The following SLC2A13 variants were observed in gnomAD, a reference collection of about 807,000 sequenced individuals.
The protein encoded by SLC2A13 is solute carrier family 2 member 13.
A neutral mutation model predicts 64.4 loss-of-function variants in SLC2A13; 32 were observed. The ratio of observed to expected loss-of-function variants is 0.50; its 90% CI spans 0.37 to 0.67. The LOEUF (loss-of-function observed/expected upper bound fraction) is 0.67. SLC2A13 is among the 30% of genes least tolerant of loss of function. The pLI is 0.00. For missense variants in SLC2A13, 743 were observed against 829.2 expected (o/e 0.90, Z 1.28); for synonymous variants, 338 against 327.1 (o/e 1.03, Z -0.36).
intron 3 of SLC2A13, among the ~76,000 whole-genome samples, chr12:40,017,418 T>A (rs1481020411): frequency 6.6e-6 from 1 of 152,206 alleles, no homozygotes; most frequent in African/African-American, 2.4e-5. Flanking sequence ...CTGTATAAAA[T>A]CCCAGAATTT....
At chr12:40,059,542 T>C (rs1948384496) in intron 1 of SLC2A13, among the ~76,000 whole-genome samples, 1 of 152,180 alleles carries the variant, frequency 6.6e-6, no homozygotes, top group Admixed American at 6.6e-5. Flanking sequence ...TTTACTGGTT[T>C]GTTCTAAAGG....
chr12:39,767,269 A>G (rs1420054836), intron 7 of SLC2A13, among the ~76,000 whole-genome samples: 1 of 150,828 alleles, frequency 6.6e-6, no homozygotes, highest in Non-Finnish European at 1.5e-5. Context: ...GACCAGTGTC[A>G]TTGTCAATCA....
At chr12:39,852,074 G>T (rs1179193202) in intron 6 of SLC2A13, among the ~76,000 whole-genome samples, 1 of 152,208 alleles carries the variant, frequency 6.6e-6, no homozygotes, top group Non-Finnish European at 1.5e-5. Context: ...ACACAGGTGT[G>T]TGTGAGGCTG....
In SLC2A13 at chr12:39,786,122, G is replaced by A. The variant is rs188742905; in HGVS notation, c.1446-21264C>T. On this transcript the variant is annotated intron_variant, in intron 7 of 9. Transcript: ENST00000280871. ...AGGACATGAGATTTGGAGGGGCCAG[G>A]GGCGGAATGATGTGCTTTGGCTTTG... Among the ~76,000 whole-genome samples, 247 of 152,224 alleles carry A rather than the reference G, an allele frequency of 1.6e-3. 2 individuals are homozygous for A. In the East Asian group the frequency reaches 0.025, roughly 15 times the overall value.
chr12:39,859,316 G>GT (rs34195780), intron 6 of SLC2A13, among the ~76,000 whole-genome samples: 58,364 of 94,178 alleles, frequency 0.62, 18,126 homozygotes, highest in East Asian at 0.74. Flanking sequence ...AAAGCTGGCA[G>GT]TTTTTTTTTT....
At chr12:39,986,338 C>T (rs925244164) in intron 3 of SLC2A13, among the ~76,000 whole-genome samples, 3 of 151,978 alleles carry the variant, frequency 2.0e-5, no homozygotes, top group Non-Finnish European at 4.4e-5. Context: ...GATACTGATC[C>T]ATGCCTGTTT....
chr12:39,977,283 G>T (rs1946779168), intron 3 of SLC2A13, among the ~76,000 whole-genome samples: 1 of 152,216 alleles, frequency 6.6e-6, no homozygotes, highest in Admixed American at 6.5e-5. Flanking sequence ...TGAGTGGTAA[G>T]GTCAATGTTT....
At chr12:39,878,958 C>T (rs961592006) in intron 4 of SLC2A13, among the ~76,000 whole-genome samples, 5 of 152,236 alleles carry the variant, frequency 3.3e-5, no homozygotes, top group Non-Finnish European at 7.3e-5. Context: ...GCCTACTGCC[C>T]TGTGCAGCCT....
At chr12:39,767,080 C>T (rs528862294) in intron 7 of SLC2A13, among the ~76,000 whole-genome samples, 1 of 152,166 alleles carries the variant, frequency 6.6e-6, no homozygotes, top group South Asian at 2.1e-4. Context: ...CTTTACTTGG[C>T]CCAGATCCAT....
intron 5 of SLC2A13, among the ~76,000 whole-genome samples, chr12:39,870,919 T>G (rs1243781941): frequency 6.6e-6 from 1 of 152,204 alleles, no homozygotes; most frequent in Non-Finnish European, 1.5e-5. Context: ...AACAGTTCTA[T>G]TAGATCAATG....
chr12:39,913,067 G>A (rs371608634), intron 4 of SLC2A13, among the ~76,000 whole-genome samples: 1 of 152,044 alleles, frequency 6.6e-6, no homozygotes, highest in Admixed American at 6.6e-5. Flanking sequence ...AGAAAGCCAA[G>A]AGATAAGGTA....
chr12:39,926,963 A>G (rs1400485047), intron 4 of SLC2A13, among the ~76,000 whole-genome samples: 2 of 152,170 alleles, frequency 1.3e-5, no homozygotes, highest in Admixed American at 1.3e-4. Flanking sequence ...ATTTATAGAG[A>G]AAAATATCCT....
At chr12:39,962,371 G>A (rs992588554) in intron 3 of SLC2A13, among the ~76,000 whole-genome samples, 12 of 152,212 alleles carry the variant, frequency 7.9e-5, no homozygotes, top group South Asian at 2.1e-4. Flanking sequence ...GATTACAGGC[G>A]TGAGCCACCA....
intron 6 of SLC2A13, among the ~76,000 whole-genome samples, chr12:39,858,999 C>G (rs528307706): frequency 1.3e-5 from 2 of 152,138 alleles, no homozygotes; most frequent in South Asian, 4.1e-4. Context: ...TTAAATAACA[C>G]AAGGCTGGCA....
chr12:40,082,129 C>T (rs1467149513), intron 1 of SLC2A13, among the ~76,000 whole-genome samples: 1 of 152,220 alleles, frequency 6.6e-6, no homozygotes, highest in African/African-American at 2.4e-5. Context: ...TTCGGCAAGG[C>T]AGCAGGGGTC....
intron 4 of SLC2A13, among the ~76,000 whole-genome samples, chr12:39,889,408 C>T (rs1044035136): frequency 1.2e-4 from 18 of 151,870 alleles, no homozygotes; most frequent in Non-Finnish European, 1.8e-4. Context: ...GCCTTATACT[C>T]TAACAAATTA....
At chr12:39,773,286 AT>A (rs1940651720) in intron 7 of SLC2A13, among the ~76,000 whole-genome samples, 1 of 152,194 alleles carries the variant, frequency 6.6e-6, no homozygotes, top group Non-Finnish European at 1.5e-5. Flanking sequence ...CAGGTGAAAT[AT>A]GTCTCATTTT....
At chr12:39,993,272 T>C (rs1357599443) in intron 3 of SLC2A13, among the ~76,000 whole-genome samples, 1 of 152,240 alleles carries the variant, frequency 6.6e-6, no homozygotes, top group African/African-American at 2.4e-5. Context: ...ATAATTTGAC[T>C]TTGATATTTT....
intron 1 of SLC2A13, among the ~76,000 whole-genome samples, chr12:40,069,962 CTTAAGAGGTAGTTTATAA>C (rs1937890156): frequency 6.6e-6 from 1 of 151,978 alleles, no homozygotes; most frequent in African/African-American, 2.4e-5. Flanking sequence ...GGTTCCTTTC[CTTAAGAGGTAGTTTATAA>C]ACAAATTCCT....
Sources: allele counts gnomAD v4.1 joint callset (sites outside exome capture counted in the v4.1 genomes callset), GRCh38; gene constraint gnomAD v4.1.1; transcripts MANE v1.5; gene names NCBI Gene and HGNC (gene_info 2026-07-23, HGNC 2026-07-21).